LUZP2: variants seen among roughly 807,000 people sequenced by gnomAD.
The protein encoded by LUZP2 is leucine zipper protein 2.
LUZP2 carries 52 observed loss-of-function variants against 51.6 expected under a neutral mutation model. The ratio of observed to expected loss-of-function variants is 1.01; its 90% CI spans 0.81 to 1.27. The LOEUF is 1.27. Ranked by LOEUF, LUZP2 falls within the 50% of genes most tolerant of loss-of-function variation. LUZP2 has a pLI of 0.00. For missense variants in LUZP2, 436 were observed against 395.4 expected (o/e 1.10, Z -0.87); for synonymous variants, 154 against 137.3 (o/e 1.12, Z -0.85).
intron 5 of LUZP2, among the ~76,000 whole-genome samples, chr11:24,879,190 C>T (rs754734136): frequency 1.4e-4 from 21 of 152,046 alleles, no homozygotes; most frequent in African/African-American, 4.8e-4. Flanking sequence ...GTGATCCACC[C>T]GCCTAGGCCT....
Position 24,914,488 on chromosome 11 carries a change from C to T in LUZP2, c.472C>T (p.Gln158Ter). The T allele has an allele frequency of 6.2e-7, 1 of 1,608,446 alleles. No individual in the cohort carries two copies. The highest frequency in any genetic ancestry group is 1.3e-5 in the African/African-American group (1 of 74,590). Reference protein sequence around the residue: ...GIHAEESKKIQAQLKELRYGK... With the variant: ...GIHAEESKKI The stretch of plus-strand genomic sequence containing the variant: ...TTTTGCCTTACAGTCAAAAAAAATC[C>T]AAGCCCAGCTGAAGGAGCTTCGTTA... Residue 158 changes from glutamine (Q) to a stop codon, truncating the protein, a stop_gained, in exon 7 of 12, where the codon CAA becomes TAA. Coordinates refer to ENST00000336930, the MANE Select transcript of LUZP2 (RefSeq NM_001009909.4). LOFTEE classifies it high-confidence loss of function.
intron 9 of LUZP2, among the ~76,000 whole-genome samples, chr11:25,015,310 A>G (rs747224592): frequency 6.6e-6 from 1 of 152,140 alleles, no homozygotes. Flanking sequence ...AGCTTCCCCT[A>G]ATGTTAACAT....
chr11:24,805,678 A>C (rs1052345655), intron 5 of LUZP2, among the ~76,000 whole-genome samples: 12 of 152,140 alleles, frequency 7.9e-5, no homozygotes, highest in African/African-American at 2.9e-4. Context: ...TAGAACCCTG[A>C]GTGGCCATTG....
chr11:24,782,682 C>T (rs1849128547), intron 5 of LUZP2, among the ~76,000 whole-genome samples: 1 of 151,916 alleles, frequency 6.6e-6, no homozygotes, highest in Non-Finnish European at 1.5e-5. Flanking sequence ...TTGAGGAACC[C>T]AGTGCCTGTC....
intron 1 of LUZP2, chr11:24,701,205 C>T (rs1343995446): frequency 6.5e-6 from 1 of 154,554 alleles, no homozygotes; most frequent in East Asian, 1.9e-4. Flanking sequence ...ACCAGGCAGT[C>T]CAGCTTTGCA....
chr11:24,687,204 T>A (rs893852734), intron 1 of LUZP2, among the ~76,000 whole-genome samples: 1 of 152,120 alleles, frequency 6.6e-6, no homozygotes, highest in African/African-American at 2.4e-5. Flanking sequence ...AAATGACATA[T>A]GCATAAAATG....
At chr11:24,509,400 C>A (rs1211118443) in intron 1 of LUZP2, among the ~76,000 whole-genome samples, 6 of 149,824 alleles carry the variant, frequency 4.0e-5, no homozygotes, top group Non-Finnish European at 8.9e-5. Flanking sequence ...AAATTTGTAT[C>A]TAAAAAAAGT....
At chr11:24,748,773 T>A (rs1004746205) in intron 4 of LUZP2, among the ~76,000 whole-genome samples, 17 of 152,124 alleles carry the variant, frequency 1.1e-4, no homozygotes, top group Non-Finnish European at 1.5e-5. Flanking sequence ...AAAAAATAAT[T>A]TAAAAATCAC....
intron 5 of LUZP2, chr11:24,785,952 AAATGT>A (rs1849234262): frequency 1.0e-6 from 1 of 985,232 alleles, no homozygotes; most frequent in African/African-American, 1.7e-5. Context: ...AGCAGTCACC[AAATGT>A]AATTATTTGA....
intron 1 of LUZP2, among the ~76,000 whole-genome samples, chr11:24,580,958 A>G (rs932363572): frequency 6.6e-6 from 1 of 152,164 alleles, no homozygotes; most frequent in African/African-American, 2.4e-5. Flanking sequence ...GAAAAAAACT[A>G]TTTTGTTATA....
At chr11:24,835,724 G>A (rs1850843352) in intron 5 of LUZP2, among the ~76,000 whole-genome samples, 1 of 151,948 alleles carries the variant, frequency 6.6e-6, no homozygotes. Context: ...GGCACAAAAG[G>A]GGCTGAGAAA....
chr11:24,976,159 C>A (rs1048114649), intron 7 of LUZP2, among the ~76,000 whole-genome samples: 7 of 151,908 alleles, frequency 4.6e-5, no homozygotes, highest in African/African-American at 1.7e-4. Flanking sequence ...CTTGTGACTT[C>A]ATTTAATTTT....
At chr11:24,531,763 A>G (rs1332645849) in intron 1 of LUZP2, among the ~76,000 whole-genome samples, 1 of 151,052 alleles carries the variant, frequency 6.6e-6, no homozygotes, top group East Asian at 1.9e-4. Flanking sequence ...GAGAAATTTC[A>G]AAATTATCAT....
intron 5 of LUZP2, among the ~76,000 whole-genome samples, chr11:24,861,572 C>T (rs1851742213): frequency 1.3e-5 from 2 of 152,134 alleles, no homozygotes; most frequent in African/African-American, 2.4e-5. Context: ...GTCCCACACA[C>T]CCGGGCTGAG....
At chr11:25,053,061 ATAAT>A (rs1258155021) in intron 10 of LUZP2, among the ~76,000 whole-genome samples, 1 of 152,158 alleles carries the variant, frequency 6.6e-6, no homozygotes, top group African/African-American at 2.4e-5. Context: ...AATTTTAAAA[ATAAT>A]TAAAGAGAGA....
rs200306897 is a variant in LUZP2 at position 24,511,434 on chromosome 11, A to C, written c.62+14129A>C. On this transcript the variant is annotated intron_variant, in intron 1 of 11. Coordinates refer to ENST00000336930, the MANE Select transcript of LUZP2 (RefSeq NM_001009909.4). ...AAATAAAAAAAAATACAATGGCAAG[A>C]TTTTGGATTAGAATCACTATTTCAG... Among the ~76,000 whole-genome samples, 1,272 of 152,224 alleles carry C rather than the reference A, an allele frequency of 8.4e-3. 57 individuals carry two copies. In the East Asian group the frequency reaches 0.13, roughly 16 times the overall value.
chr11:24,752,899 A>T (rs2134012365), intron 4 of LUZP2, among the ~76,000 whole-genome samples: 1 of 152,176 alleles, frequency 6.6e-6, no homozygotes, highest in Non-Finnish European at 1.5e-5. Context: ...AGAATAGGAA[A>T]ATATATACAA....
intron 5 of LUZP2, among the ~76,000 whole-genome samples, chr11:24,866,866 T>C (rs10767260): frequency 0.16 from 24,002 of 151,998 alleles, 2,073 homozygotes; most frequent in African/African-American, 0.22. Context: ...ATATTCAGAT[T>C]AATCAGAAAA....
chr11:24,501,084 A>G (rs908310104), intron 1 of LUZP2, among the ~76,000 whole-genome samples: 4 of 152,216 alleles, frequency 2.6e-5, no homozygotes, highest in African/African-American at 4.8e-5. Flanking sequence ...TTTGCTTCCT[A>G]AGTCCTGTGC....
Sources: gnomAD v4.1 joint callset for allele counts (sites outside exome capture counted in the v4.1 genomes callset) on GRCh38, gnomAD v4.1.1 for gene constraint, MANE v1.5 for transcripts, NCBI Gene and HGNC (gene_info 2026-07-23, HGNC 2026-07-21) for gene names.